Variants in HS6ST3 observed in about 807,000 individuals in gnomAD.
HS6ST3 encodes the protein heparan-sulfate 6-O-sulfotransferase 3.
A neutral mutation model predicts 36.7 loss-of-function variants in HS6ST3; 12 were observed. The observed-to-expected ratio is 0.33, with a 90% CI of 0.21 to 0.53. The LOEUF (loss-of-function observed/expected upper bound fraction) is 0.53, where lower values mean the gene tolerates loss of function less well. HS6ST3 is among the 20% of genes least tolerant of loss of function. The pLI, the probability that HS6ST3 is intolerant of heterozygous loss-of-function variation, is 0.95. For missense variants in HS6ST3, 584 were observed against 640.9 expected (o/e 0.91, Z 0.96); for synonymous variants, 240 against 257.5 (o/e 0.93, Z 0.65).
At chr13:96,496,473 T>A (rs1178615927) in intron 1 of HS6ST3, among the ~76,000 whole-genome samples, 1 of 152,154 alleles carries the variant, frequency 6.6e-6, no homozygotes, top group East Asian at 1.9e-4. Context: ...ATTCTAGGTC[T>A]TCCTTCCTCT....
intron 1 of HS6ST3, among the ~76,000 whole-genome samples, chr13:96,496,087 A>T (rs2055974106): frequency 6.6e-6 from 1 of 152,184 alleles, no homozygotes; most frequent in Admixed American, 6.5e-5. Context: ...GAGGGCAGTG[A>T]GTTAAGGAGC....
rs1434543953 is a variant in HS6ST3 at position 96,091,083 on chromosome 13, C to G, written c.221C>G (p.Pro74Arg). The change falls in exon 1 of 2, where the codon CCG (proline) becomes CGG (arginine). Residue 74 changes from proline (P) to arginine (R), a missense_variant. This residue lies in a region of HS6ST3 where 217 missense variants were observed against 205.4 expected (regional missense o/e 1.06). Coordinates refer to ENST00000376705, the MANE Select transcript of HS6ST3 (RefSeq NM_153456.4). ...GAGCGGCGGCCCCAGTTGCCCCCGC[C>G]GCCCCGGGGGCCCCCCGAGGGACCT... is the stretch of plus-strand genomic sequence containing the variant. ...EWERRPQLPPPPRGPPEGPRG... is the reference protein window; with the variant it reads ...EWERRPQLPPRPRGPPEGPRG... The G allele has an allele frequency of 4.2e-5, 55 of 1,294,444 alleles. No individual in the cohort carries two copies. Among genetic ancestry groups the G allele is most frequent in the Non-Finnish European group, 4.3e-5 (44 of 1,025,742 alleles). 80.2% of individuals were successfully genotyped at this position (1,294,444 alleles called of 1,614,324 possible). A position where few individuals can be genotyped will look rare whatever the true frequency, so the allele number is the denominator to read the frequency against.
intron 1 of HS6ST3, among the ~76,000 whole-genome samples, chr13:96,773,947 G>A (rs1348648085): frequency 6.6e-6 from 1 of 152,196 alleles, no homozygotes; most frequent in Non-Finnish European, 1.5e-5. Context: ...GCATCTGGCG[G>A]ATGCCCTTCT....
intron 1 of HS6ST3, among the ~76,000 whole-genome samples, chr13:96,142,621 A>G (rs1184312029): frequency 6.6e-6 from 1 of 152,142 alleles, no homozygotes; most frequent in East Asian, 1.9e-4. Context: ...TTCCTGTGGC[A>G]AAAAGGTGTG....
intron 1 of HS6ST3, among the ~76,000 whole-genome samples, chr13:96,811,552 AG>A (rs766637498): frequency 2.0e-5 from 3 of 152,226 alleles, no homozygotes; most frequent in Non-Finnish European, 4.4e-5. Flanking sequence ...AAGTGTAAAA[AG>A]GCAGAATTAT....
At chr13:96,795,162 T>A (rs1045742117) in intron 1 of HS6ST3, among the ~76,000 whole-genome samples, 1 of 152,058 alleles carries the variant, frequency 6.6e-6, no homozygotes, top group Non-Finnish European at 1.5e-5. Context: ...TTCACTCTTT[T>A]TTTTAAATCT....
rs979364170 is a variant in HS6ST3, at chr13:96,090,438, G to C, written c.-425G>C. On this transcript the variant is annotated 5_prime_UTR_variant, in exon 1 of 2. Coordinates refer to ENST00000376705, the MANE Select transcript of HS6ST3 (RefSeq NM_153456.4). Reference sequence around the variant, plus strand: ...CTGGCGAGCCTCATGCAGCCCCGGCGCTCGCGGCCGCAGCTACCCGGCTGC... The same window carrying C: ...CTGGCGAGCCTCATGCAGCCCCGGCCCTCGCGGCCGCAGCTACCCGGCTGC... 6.8e-6 allele frequency among the ~76,000 whole-genome samples: 1 copy of C among 146,340 alleles called. No individual in the cohort carries two copies. Among genetic ancestry groups the C allele is most frequent in the African/African-American group, 2.4e-5 (1 of 40,856 alleles).
chr13:96,218,668 G>A (rs902549892), intron 1 of HS6ST3, among the ~76,000 whole-genome samples: 5 of 152,042 alleles, frequency 3.3e-5, no homozygotes, highest in South Asian at 2.1e-4. Context: ...AAGTTGTGAA[G>A]GTATGTGCTG....
At chr13:96,588,726 G>T (rs1291994378) in intron 1 of HS6ST3, among the ~76,000 whole-genome samples, 1 of 152,030 alleles carries the variant, frequency 6.6e-6, no homozygotes, top group Non-Finnish European at 1.5e-5. Flanking sequence ...TAGTATCAGG[G>T]TGATGCTAGC....
chr13:96,545,843 C>A (rs1432964452), intron 1 of HS6ST3, among the ~76,000 whole-genome samples: 1 of 152,072 alleles, frequency 6.6e-6, no homozygotes, highest in Non-Finnish European at 1.5e-5. Context: ...AGAGGTAGAA[C>A]GTTAGCTGGG....
intron 1 of HS6ST3, among the ~76,000 whole-genome samples, chr13:96,628,070 A>G (rs1016550231): frequency 1.3e-5 from 2 of 151,348 alleles, no homozygotes; most frequent in Non-Finnish European, 3.0e-5. Flanking sequence ...GGTTTATTCT[A>G]TTTTTCTTTT....
In HS6ST3 at chr13:96,495,902, T is replaced by A. The variant is rs549451773; in HGVS notation, c.708-336588T>A. Among the ~76,000 whole-genome samples, 3 of 152,332 alleles carry A rather than the reference T, an allele frequency of 2.0e-5. No homozygotes were observed. In the East Asian group the frequency reaches 5.8e-4, roughly 29 times the overall value. On this transcript the variant is annotated intron_variant, in intron 1 of 1. Transcript: ENST00000376705. ...CTCGTGAAGAGCGCAGTAGTTCCTT[T>A]CCCTCTTCAGCATAAGGCCCCCACG...
intron 1 of HS6ST3, among the ~76,000 whole-genome samples, chr13:96,304,079 G>A (rs1480171723): frequency 6.6e-6 from 1 of 151,144 alleles, no homozygotes; most frequent in Non-Finnish European, 1.5e-5. Context: ...GGAGGTGGAG[G>A]TTGCAGTGAG....
intron 1 of HS6ST3, among the ~76,000 whole-genome samples, chr13:96,301,611 G>A (rs1030107185): frequency 1.3e-5 from 2 of 152,024 alleles, no homozygotes; most frequent in African/African-American, 4.8e-5. Context: ...TAATTTTCTG[G>A]CCGGGTGCGG....
At chr13:96,152,662 TC>T (rs2054092141) in intron 1 of HS6ST3, among the ~76,000 whole-genome samples, 1 of 152,066 alleles carries the variant, frequency 6.6e-6, no homozygotes, top group Non-Finnish European at 1.5e-5. Context: ...CTATCAGCAG[TC>T]TTTTTTATAT....
intron 1 of HS6ST3, among the ~76,000 whole-genome samples, chr13:96,769,705 C>G (rs1387230271): frequency 6.7e-6 from 1 of 148,792 alleles, no homozygotes; most frequent in African/African-American, 2.5e-5. Context: ...GGACTTTTCC[C>G]CTGTTTAATT....
chr13:96,164,569 A>G (rs1594700652), intron 1 of HS6ST3, among the ~76,000 whole-genome samples: 1 of 152,136 alleles, frequency 6.6e-6, no homozygotes, highest in South Asian at 2.1e-4. Context: ...AAAAAAAAAA[A>G]AGATTATCAA....
intron 1 of HS6ST3, among the ~76,000 whole-genome samples, chr13:96,181,572 T>C (rs765198267): frequency 6.6e-6 from 1 of 152,154 alleles, no homozygotes; most frequent in Non-Finnish European, 1.5e-5. Context: ...GAGTTGCAGA[T>C]GGTCTGCTTT....
At chr13:96,583,546 T>TA (rs1439997125) in intron 1 of HS6ST3, among the ~76,000 whole-genome samples, 1 of 152,110 alleles carries the variant, frequency 6.6e-6, no homozygotes, top group Non-Finnish European at 1.5e-5. Context: ...TCCAACATCT[T>TA]ACCATGACTT....
Sources: allele counts gnomAD v4.1 joint callset (sites outside exome capture counted in the v4.1 genomes callset), GRCh38; gene constraint gnomAD v4.1.1; regional missense constraint gnomAD v4.1.1; transcripts MANE v1.5; gene names NCBI Gene and HGNC (gene_info 2026-07-23, HGNC 2026-07-21).